The following DIAPH3 variants were observed in gnomAD, a reference collection of about 807,000 sequenced individuals.
DIAPH3 encodes the protein protein diaphanous homolog 3.
Under a neutral mutation model 144.3 loss-of-function variants are expected in DIAPH3, and 117 were observed. That is an observed-to-expected ratio of 0.81 (90% CI 0.70 to 0.95). The LOEUF (loss-of-function observed/expected upper bound fraction) is 0.95, where lower values mean the gene tolerates loss of function less well. DIAPH3 is among the 40% of genes least tolerant of loss of function. The probability of loss-of-function intolerance (pLI) is 0.00; values close to 1 mark genes in which losing one functional copy is unlikely to be tolerated. For synonymous variants in DIAPH3, 519 were observed against 488.9 expected (o/e 1.06, Z -0.81); for missense variants, 1,421 against 1,412.7 (o/e 1.01, Z -0.09).
intron 1 of DIAPH3, among the ~76,000 whole-genome samples, chr13:60,141,284 G>A (rs1032655577): frequency 2.0e-5 from 3 of 151,892 alleles, no homozygotes; most frequent in Admixed American, 2.0e-4. Flanking sequence ...AAAAGATAAA[G>A]ATTTTAAGCA....
At chr13:59,861,361 G>A in intron 22 of DIAPH3, 46 bp downstream of exon 22, 1 of 1,613,006 alleles carries the variant, frequency 6.2e-7, no homozygotes, top group South Asian at 1.1e-5. Flanking sequence ...CAGTCTTTTA[G>A]CACTGAAGAT....
At chr13:59,777,788 TAAAG>T (rs923540938) in intron 25 of DIAPH3, among the ~76,000 whole-genome samples, 1 of 151,814 alleles carries the variant, frequency 6.6e-6, no homozygotes, top group Non-Finnish European at 1.5e-5. Flanking sequence ...TCATGAAAGA[TAAAG>T]AGAGGAAGAA....
At chr13:59,721,322 T>C (rs970039345) in intron 27 of DIAPH3, among the ~76,000 whole-genome samples, 1 of 152,186 alleles carries the variant, frequency 6.6e-6, no homozygotes, top group Non-Finnish European at 1.5e-5. Flanking sequence ...GATATGTAAC[T>C]TAATTTGTCG....
At chr13:60,036,179 AC>A (rs2055195166) in intron 5 of DIAPH3, among the ~76,000 whole-genome samples, 2 of 152,202 alleles carry the variant, frequency 1.3e-5, no homozygotes, top group African/African-American at 4.8e-5. Context: ...ATTTTAAAAA[AC>A]AATCTTCAAT....
intron 17 of DIAPH3, among the ~76,000 whole-genome samples, chr13:59,952,464 A>G (rs970567119): frequency 2.0e-5 from 3 of 152,196 alleles, no homozygotes; most frequent in Admixed American, 6.6e-5. Context: ...TATGTTTGCT[A>G]TTAATTGCTC....
At chr13:60,051,920 T>G (rs1211511601) in intron 4 of DIAPH3, among the ~76,000 whole-genome samples, 2 of 152,104 alleles carry the variant, frequency 1.3e-5, no homozygotes, top group Non-Finnish European at 2.9e-5. Context: ...AGAATTGCAA[T>G]AAAAATGGTC....
rs528712107 is a variant in DIAPH3 at position 60,083,181 on chromosome 13, A to C, written c.495+10447T>G. 4.6e-5 allele frequency among the ~76,000 whole-genome samples: 7 copies of C among 152,206 alleles called. 1 individual carries two copies. The South Asian group carries it at 1.5e-3, about 32-fold the overall frequency. On this transcript the variant is annotated intron_variant, in intron 4 of 27. Transcript: ENST00000400324. ...AGTCCCAATGGCCAAAGATGGGACA[A>C]TTTGATCTTCACTAAAAATAATTGT...
chr13:59,693,586 T>C (rs1202628592), intron 27 of DIAPH3, among the ~76,000 whole-genome samples: 3 of 152,272 alleles, frequency 2.0e-5, no homozygotes, highest in East Asian at 1.9e-4. Flanking sequence ...TGGAAACTCA[T>C]TGCGGAACAA....
chr13:59,938,777 A>G (rs1379583921), intron 17 of DIAPH3, among the ~76,000 whole-genome samples: 1 of 152,172 alleles, frequency 6.6e-6, no homozygotes, highest in African/African-American at 2.4e-5. Context: ...AGAAAATGAT[A>G]TTTTTAAAAA....
chr13:59,679,541 G>A (rs1292885155), intron 27 of DIAPH3, among the ~76,000 whole-genome samples: 1 of 152,172 alleles, frequency 6.6e-6, no homozygotes, highest in Non-Finnish European at 1.5e-5. Context: ...ACAGAGGGCA[G>A]AAAAGAAAGA....
intron 24 of DIAPH3, among the ~76,000 whole-genome samples, chr13:59,813,666 C>T (rs2040610164): frequency 2.0e-5 from 3 of 151,818 alleles, no homozygotes; most frequent in Admixed American, 1.3e-4. Flanking sequence ...CCATCCTGGC[C>T]AACATGGTGA....
At chr13:59,677,521 C>A (rs1219060695) in intron 27 of DIAPH3, among the ~76,000 whole-genome samples, 2 of 151,994 alleles carry the variant, frequency 1.3e-5, no homozygotes, top group African/African-American at 4.8e-5. Context: ...TTAATGATAT[C>A]TTTGGCATTT....
chr13:59,755,131 G>A (rs574520065), intron 27 of DIAPH3, among the ~76,000 whole-genome samples: 1 of 151,952 alleles, frequency 6.6e-6, no homozygotes, highest in African/African-American at 2.4e-5. Context: ...ATTCTCCTTA[G>A]AGTTCAAACT....
At chr13:59,731,415 T>C (rs2035884665) in intron 27 of DIAPH3, among the ~76,000 whole-genome samples, 1 of 152,206 alleles carries the variant, frequency 6.6e-6, no homozygotes, top group African/African-American at 2.4e-5. Context: ...ATTAATGTTC[T>C]ATAAAGTTCA....
At chr13:60,115,138 G>T (rs939097230) in intron 2 of DIAPH3, among the ~76,000 whole-genome samples, 3 of 152,272 alleles carry the variant, frequency 2.0e-5, no homozygotes, top group African/African-American at 7.2e-5. Flanking sequence ...TATCAATACT[G>T]TAAGTTTACA....
chr13:59,903,388 T>C (rs1409382107), intron 20 of DIAPH3, among the ~76,000 whole-genome samples: 1 of 152,204 alleles, frequency 6.6e-6, no homozygotes. Context: ...AGTGTTTCAG[T>C]AAGCCATGAT....
chr13:59,780,616 G>A (rs181953668), intron 25 of DIAPH3, among the ~76,000 whole-genome samples: 1 of 152,234 alleles, frequency 6.6e-6, no homozygotes, highest in East Asian at 1.9e-4. Flanking sequence ...TTAAAAAATT[G>A]CACTGTGTCA....
At chr13:59,944,563 A>C (rs2048706156) in intron 17 of DIAPH3, among the ~76,000 whole-genome samples, 1 of 152,184 alleles carries the variant, frequency 6.6e-6, no homozygotes, top group Admixed American at 6.6e-5. Context: ...CACTTGTTTC[A>C]AAAATTATCA....
intron 24 of DIAPH3, among the ~76,000 whole-genome samples, chr13:59,815,698 C>T (rs890507131): frequency 6.6e-6 from 1 of 151,986 alleles, no homozygotes; most frequent in Non-Finnish European, 1.5e-5. Context: ...TCAAGTGATC[C>T]TCTCACCGTA....
Sources: gnomAD v4.1 joint callset for allele counts (sites outside exome capture counted in the v4.1 genomes callset) on GRCh38, gnomAD v4.1.1 for gene constraint, MANE v1.5 for transcripts, NCBI Gene and HGNC (gene_info 2026-07-23, HGNC 2026-07-21) for gene names.